ZC3H11A: variants seen among roughly 807,000 people sequenced by gnomAD.
ZC3H11A encodes the protein zinc finger CCCH-type containing 11A, also known as zinc finger CCCH domain-containing protein 11A.
Under a neutral mutation model 90.8 loss-of-function variants are expected in ZC3H11A, and 22 were observed. The observed-to-expected ratio is 0.24, with a 90% CI of 0.17 to 0.35. The LOEUF (loss-of-function observed/expected upper bound fraction) is 0.35, where lower values mean the gene tolerates loss of function less well. Among genes scored for constraint, ZC3H11A ranks in the 10% least tolerant of loss-of-function variants. The probability of loss-of-function intolerance (pLI) is 1.00; values close to 1 mark genes in which losing one functional copy is unlikely to be tolerated. For missense variants in ZC3H11A, 701 were observed against 964.9 expected (o/e 0.73, Z 3.62); for synonymous variants, 294 against 339.8 (o/e 0.87, Z 1.48).
At chr1:203,796,032 C>G (rs1226958568) in intron 1 of ZC3H11A, 6 of 146,244 alleles carry the variant, frequency 4.1e-5, no homozygotes, top group Admixed American at 4.1e-4. Flanking sequence ...CTCCCCACCC[C>G]CACCCCGTTC....
intron 8 of ZC3H11A, 74 bp from the exon 9 acceptor site, chr1:203,831,587 A>G (rs2275324): frequency 0.13 from 187,132 of 1,397,196 alleles, 13,532 homozygotes; most frequent in Non-Finnish European, 0.14. Flanking sequence ...ACTGGTTACA[A>G]AAACAAATTT....
chr1:203,804,990 A>G (rs1571932088), intron 2 of ZC3H11A, among the ~76,000 whole-genome samples: 2 of 151,746 alleles, frequency 1.3e-5, no homozygotes, highest in Admixed American at 1.3e-4. Flanking sequence ...TCTTTTTAAT[A>G]TATGTTTGTA....
chr1:203,831,914 G>T, intron 9 of ZC3H11A, 143 bp downstream of exon 9: 4 of 644,852 alleles, frequency 6.2e-6, no homozygotes, highest in East Asian at 2.8e-5. Flanking sequence ...ATGAAAAGTT[G>T]GTACATTCAA....
intron 1 of ZC3H11A, chr1:203,799,893 TATAAGCAGTTCCTTGC>T: frequency 6.5e-7 from 1 of 1,536,082 alleles, no homozygotes; most frequent in Non-Finnish European, 8.7e-7. Flanking sequence ...TTTAGAAACT[TATAAGCAGTTCCTTGC>T]AGAAGAGGTC....
At chr1:203,841,044 A>G (rs1163157964) in intron 12 of ZC3H11A, among the ~76,000 whole-genome samples, 1 of 149,052 alleles carries the variant, frequency 6.7e-6, no homozygotes, top group Non-Finnish European at 1.5e-5. Flanking sequence ...AATGCTGAAC[A>G]ACGATATGGA....
intron 1 of ZC3H11A, chr1:203,797,275 T>G: frequency 3.1e-6 from 1 of 319,154 alleles, no homozygotes; most frequent in Admixed American, 4.6e-5. Flanking sequence ...ACTGGACTAT[T>G]TGAATTCAGA....
chr1:203,835,677 C>G (rs971182788), intron 10 of ZC3H11A: 50 of 244,840 alleles, frequency 2.0e-4, no homozygotes, highest in African/African-American at 8.5e-4. Context: ...ACCACTGTTT[C>G]CATGGGCTTG....
At chr1:203,820,008 G>A (rs1215332144) in intron 4 of ZC3H11A, among the ~76,000 whole-genome samples, 1 of 150,686 alleles carries the variant, frequency 6.6e-6, no homozygotes, top group Non-Finnish European at 1.5e-5. Flanking sequence ...AGGCTGAGGC[G>A]GGTGAATCAT....
chr1:203,851,669 A>T (rs537791755), intron 17 of ZC3H11A, among the ~76,000 whole-genome samples: 1 of 151,910 alleles, frequency 6.6e-6, no homozygotes, highest in Non-Finnish European at 1.5e-5. Flanking sequence ...AGTTATAAAA[A>T]TGCTTGGTGC....
chr1:203,797,673 G>A (rs961823280), intron 1 of ZC3H11A: 1 of 1,535,990 alleles, frequency 6.5e-7, no homozygotes, highest in African/African-American at 1.4e-5. Context: ...GGTAGCAGAA[G>A]GAGTGAATAA....
chr1:203,812,781 C>T (rs1165645719), intron 2 of ZC3H11A, among the ~76,000 whole-genome samples: 1 of 151,918 alleles, frequency 6.6e-6, no homozygotes, highest in East Asian at 1.9e-4. Context: ...GGGGTCTCAC[C>T]ATGTTTGCCA....
intron 1 of ZC3H11A, chr1:203,798,895 C>T: frequency 2.0e-6 from 3 of 1,536,088 alleles, no homozygotes; most frequent in Non-Finnish European, 2.6e-6. Flanking sequence ...AAGGCTGTAC[C>T]TCAGTTATAT....
chr1:203,838,257 T>TC lies in ZC3H11A; in HGVS notation c.973+194dup, dbSNP rs1572257635. On this transcript the variant is annotated intron_variant, in intron 11 of 17. Transcript: ENST00000367210. The stretch of plus-strand genomic sequence containing the variant: ...GTAGACACCATTGAAAAAAACACCG[T>TC]CACACTCCTCAGGAGCTTATAGTAT... Among the ~76,000 whole-genome samples, 6 of 152,294 alleles carry TC rather than the reference T, an allele frequency of 3.9e-5. No homozygotes were observed. In the East Asian group the frequency reaches 1.2e-3, roughly 29 times the overall value.
chr1:203,832,120 ATG>A (rs1191454976), intron 9 of ZC3H11A, among the ~76,000 whole-genome samples: 1 of 152,122 alleles, frequency 6.6e-6, no homozygotes, highest in African/African-American at 2.4e-5. Context: ...GTGCAATGGC[ATG>A]ATCTCAGCTC....
At position 203,854,011 on chromosome 1, in the gene ZC3H11A, A is replaced by G. The variant is rs746880547; in HGVS notation, c.*1612A>G. On this transcript the variant is annotated 3_prime_UTR_variant, in exon 18 of 18. Coordinates refer to ENST00000367210, the MANE Select transcript of ZC3H11A (RefSeq NM_001376342.1). The stretch of plus-strand genomic sequence containing the variant: ...TTTTTAAAAAATAATTTTGTTTCAT[A>G]TTTAAAGCACTTGTATTAGTCAATG... The G allele has an allele frequency of 2.6e-5, 4 of 152,632 alleles. No homozygotes were observed. The highest frequency in any genetic ancestry group is 6.6e-5 in the Admixed American group (1 of 15,262). The allele number at this position is 152,632 out of a possible 1,614,324, so 9.5% of individuals were successfully genotyped here.
intron 4 of ZC3H11A, among the ~76,000 whole-genome samples, chr1:203,819,566 C>CTTTT (rs1677763711): frequency 4.3e-5 from 4 of 91,988 alleles, no homozygotes; most frequent in Non-Finnish European, 6.3e-5. Context: ...CAGAGTTTTG[C>CTTTT]TCTTGTTGCC....
Position 203,802,364 on chromosome 1 carries a change from G to A in ZC3H11A, c.-798G>A, listed in dbSNP as rs1008993609. 6.6e-6 allele frequency: 1 copy of A among 152,344 alleles called. No individual in the cohort carries two copies. Among genetic ancestry groups the A allele is most frequent in the African/African-American group, 2.4e-5 (1 of 41,358 alleles). The allele number at this position is 152,344 out of a possible 1,614,324, so 9.4% of individuals were successfully genotyped here. A position where few individuals can be genotyped will look rare whatever the true frequency, so the allele number is the denominator to read the frequency against. ...TTTTTATAATGAACCCAAATCTAAAGTCTTTTATAGTGCATTTTAAAAGGG... is the reference window on the plus strand; with the variant it reads ...TTTTTATAATGAACCCAAATCTAAAATCTTTTATAGTGCATTTTAAAAGGG... On this transcript the variant is annotated 5_prime_UTR_variant, in exon 2 of 18. Coordinates refer to ENST00000367210, the MANE Select transcript of ZC3H11A (RefSeq NM_001376342.1).
intron 12 of ZC3H11A, among the ~76,000 whole-genome samples, chr1:203,845,264 A>G (rs556314274): frequency 3.3e-5 from 5 of 152,232 alleles, no homozygotes; most frequent in South Asian, 2.1e-4. Flanking sequence ...TATCATTTCA[A>G]TGAAATTTTG....
intron 17 of ZC3H11A, among the ~76,000 whole-genome samples, chr1:203,851,815 T>TA (rs111499575): frequency 6.2e-4 from 92 of 147,210 alleles, no homozygotes; most frequent in African/African-American, 2.0e-3. Context: ...ATCAAAGAAA[T>TA]AAAAAAAAAA....
Sources: allele counts gnomAD v4.1 joint callset (sites outside exome capture counted in the v4.1 genomes callset), GRCh38; gene constraint gnomAD v4.1.1; transcripts MANE v1.5; gene names NCBI Gene and HGNC (gene_info 2026-07-23, HGNC 2026-07-21).